The following CDH2 variants were observed in gnomAD, a reference collection of about 807,000 sequenced individuals.
CDH2 encodes cadherin 2.
CDH2 carries 17 observed loss-of-function variants against 92.0 expected under a neutral mutation model. The observed-to-expected ratio is 0.18, with a 90% CI of 0.13 to 0.28. The LOEUF is 0.28. Among genes scored for constraint, CDH2 ranks in the 10% least tolerant of loss-of-function variants. CDH2 has a pLI of 1.00. For synonymous variants in CDH2, 419 were observed against 415.9 expected (o/e 1.01, Z -0.09); for missense variants, 862 against 1,133.1 (o/e 0.76, Z 3.44).
intron 1 of CDH2, among the ~76,000 whole-genome samples, chr18:28,169,941 C>T (rs2016440029): frequency 2.0e-5 from 3 of 152,202 alleles, no homozygotes; most frequent in Admixed American, 2.0e-4. Flanking sequence ...GTAAGGTCCA[C>T]TTTCAATTAC....
At chr18:28,158,011 C>T (rs1382801669) in intron 1 of CDH2, among the ~76,000 whole-genome samples, 1 of 152,098 alleles carries the variant, frequency 6.6e-6, no homozygotes, top group Non-Finnish European at 1.5e-5. Flanking sequence ...GCTCTGGAGT[C>T]CCCTGTATTC....
intron 2 of CDH2, among the ~76,000 whole-genome samples, chr18:28,030,174 AT>A (rs902933872): frequency 6.5e-4 from 98 of 151,884 alleles, no homozygotes; most frequent in Admixed American, 2.4e-3. Context: ...TAAAAATCCT[AT>A]TTTTTTTGGA....
chr18:28,151,792 T>C (rs2144334702), intron 1 of CDH2, among the ~76,000 whole-genome samples: 1 of 152,278 alleles, frequency 6.6e-6, no homozygotes, highest in South Asian at 2.1e-4. Flanking sequence ...GAATGGTGCA[T>C]GGGTTGGCAA....
intron 2 of CDH2, among the ~76,000 whole-genome samples, chr18:28,047,868 C>CAAA (rs149752979): frequency 4.2e-3 from 197 of 46,660 alleles, no homozygotes; most frequent in African/African-American, 8.9e-3. Context: ...GACTCCATCT[C>CAAA]AAAAAAAAAA....
chr18:28,011,076 A>G (rs574502419), intron 4 of CDH2, among the ~76,000 whole-genome samples: 3 of 152,170 alleles, frequency 2.0e-5, no homozygotes, highest in Admixed American at 6.5e-5. Context: ...CAGAATATAC[A>G]ACATATTTTA....
At chr18:28,111,285 T>G (rs898669474) in intron 2 of CDH2, among the ~76,000 whole-genome samples, 13 of 152,232 alleles carry the variant, frequency 8.5e-5, no homozygotes, top group African/African-American at 3.1e-4. Context: ...CAGAGATATT[T>G]CGAGGCATGG....
At chr18:27,991,938 T>C (rs978138809) in intron 9 of CDH2, among the ~76,000 whole-genome samples, 1 of 152,214 alleles carries the variant, frequency 6.6e-6, no homozygotes, top group African/African-American at 2.4e-5. Flanking sequence ...TTAACAGGCT[T>C]TTCCATTATA....
At chr18:28,164,426 A>C (rs1313192877) in intron 1 of CDH2, among the ~76,000 whole-genome samples, 1 of 152,230 alleles carries the variant, frequency 6.6e-6, no homozygotes, top group Admixed American at 6.5e-5. Context: ...AGCTACTATT[A>C]GAATAGAAAG....
At chr18:27,991,651 T>C (rs928061125) in intron 9 of CDH2, among the ~76,000 whole-genome samples, 4 of 152,232 alleles carry the variant, frequency 2.6e-5, no homozygotes, top group East Asian at 1.9e-4. Flanking sequence ...AGTGGTTAAA[T>C]AGTTGGCCAT....
chr18:28,002,776 T>A (rs2012805333), intron 7 of CDH2, among the ~76,000 whole-genome samples: 1 of 152,204 alleles, frequency 6.6e-6, no homozygotes, highest in Non-Finnish European at 1.5e-5. Flanking sequence ...AGTGTCACAT[T>A]AAAAACTACA....
chr18:27,992,628 G>T (rs1379309972), intron 9 of CDH2, 27 bp downstream of exon 9: 8 of 1,587,658 alleles, frequency 5.0e-6, no homozygotes, highest in Non-Finnish European at 6.9e-6. Context: ...AGCTGTTGGA[G>T]AGATCAGTGG....
chr18:27,966,682 C>T (rs1302126403), intron 14 of CDH2, among the ~76,000 whole-genome samples: 1 of 152,200 alleles, frequency 6.6e-6, no homozygotes, highest in Non-Finnish European at 1.5e-5. Flanking sequence ...GAAAGGATAG[C>T]CTCCTAACCT....
intron 5 of CDH2, among the ~76,000 whole-genome samples, chr18:28,007,525 A>C (rs2012974533): frequency 6.6e-6 from 1 of 152,136 alleles, no homozygotes; most frequent in South Asian, 2.1e-4. Context: ...TTAAACACAT[A>C]AAAACAATGT....
At chr18:28,054,100 G>A (rs1415121611) in intron 2 of CDH2, among the ~76,000 whole-genome samples, 1 of 152,148 alleles carries the variant, frequency 6.6e-6, no homozygotes. Flanking sequence ...ATCCTGTAGG[G>A]AGGAGTCAGG....
intron 14 of CDH2, among the ~76,000 whole-genome samples, chr18:27,981,789 TAA>T (rs1165806942): frequency 2.0e-5 from 3 of 152,202 alleles, no homozygotes; most frequent in Non-Finnish European, 2.9e-5. Context: ...CATATATACT[TAA>T]GAGAGTACAT....
At chr18:28,005,815 C>T in intron 6 of CDH2, 34 bp downstream of exon 6, 1 of 1,562,566 alleles carries the variant, frequency 6.4e-7, no homozygotes, top group Non-Finnish European at 8.7e-7. Context: ...ATACTTTCCT[C>T]AAGTCATCTT....
At chr18:28,096,637 G>T (rs1258445706) in intron 2 of CDH2, among the ~76,000 whole-genome samples, 1 of 152,132 alleles carries the variant, frequency 6.6e-6, no homozygotes, top group Admixed American at 6.6e-5. Flanking sequence ...ATCAAAAAGT[G>T]AAGCAAAATC....
In CDH2 at chr18:27,982,992, T is replaced by C. The variant is rs2012106745; in HGVS notation, c.2301A>G (p.Arg767=). The change falls in exon 14 of 16, where the codon AGA becomes AGG. Residue 767 remains arginine (R), a synonymous_variant. Transcript: ENST00000269141. ...CTTCATCATATTTTAAAATATTATC[T>C]CTTACATCATCTTCTGGATCAATTA... ...QLLIDPEDDV[R]DNILKYDEEG... is the part of the protein sequence containing the mutation. The C allele has an allele frequency of 6.2e-7, 1 of 1,608,106 alleles. No individual in the cohort carries two copies. Among genetic ancestry groups the C allele is most frequent in the Middle Eastern group, 1.7e-4 (1 of 6,048 alleles).
At chr18:28,008,792 T>C (rs958785558) in intron 5 of CDH2, among the ~76,000 whole-genome samples, 6 of 151,116 alleles carry the variant, frequency 4.0e-5, no homozygotes, top group African/African-American at 1.5e-4. Flanking sequence ...TTGGTAAAAG[T>C]ACAAGAATTC....
Sources: allele counts gnomAD v4.1 joint callset (sites outside exome capture counted in the v4.1 genomes callset), GRCh38; gene constraint gnomAD v4.1.1; transcripts MANE v1.5; gene names NCBI Gene and HGNC (gene_info 2026-07-23, HGNC 2026-07-21).